CDH4: variants seen among roughly 807,000 people sequenced by gnomAD.
CDH4 encodes the protein cadherin-4.
CDH4 carries 33 observed loss-of-function variants against 86.0 expected under a neutral mutation model. That is an observed-to-expected ratio of 0.38 (90% CI 0.29 to 0.51). CDH4 has a LOEUF of 0.51. CDH4 is among the 20% of genes least tolerant of loss of function. The pLI is 0.86. For synonymous variants in CDH4, 555 were observed against 549.4 expected (o/e 1.01, Z -0.14); for missense variants, 1,114 against 1,307.4 (o/e 0.85, Z 2.28).
chr20:61,540,677 C>G (rs1160902960), intron 2 of CDH4, among the ~76,000 whole-genome samples: 1 of 152,098 alleles, frequency 6.6e-6, no homozygotes, highest in Non-Finnish European at 1.5e-5. Flanking sequence ...ATGTCACTTT[C>G]AACAGATTTT....
intron 2 of CDH4, among the ~76,000 whole-genome samples, chr20:61,507,074 T>C (rs1469677244): frequency 6.6e-6 from 1 of 152,218 alleles, no homozygotes; most frequent in Non-Finnish European, 1.5e-5. Flanking sequence ...AGTGTTTTGT[T>C]TTCCTAAATG....
At chr20:61,437,645 C>T (rs947717840) in intron 2 of CDH4, 5 of 152,158 alleles carry the variant, frequency 3.3e-5, no homozygotes, top group South Asian at 4.1e-4. Flanking sequence ...AATAAGGAAA[C>T]GAGAGGGTTT....
intron 2 of CDH4, among the ~76,000 whole-genome samples, chr20:61,321,532 T>G (rs931274711): frequency 1.4e-4 from 22 of 152,174 alleles, no homozygotes; most frequent in African/African-American, 5.3e-4. Flanking sequence ...CGGGTCAGTG[T>G]GTTTGGAAGA....
intron 4 of CDH4, among the ~76,000 whole-genome samples, chr20:61,779,994 G>T (rs1428296185): frequency 2.6e-5 from 4 of 152,228 alleles, no homozygotes; most frequent in African/African-American, 4.8e-5. Flanking sequence ...AAGCATCCAT[G>T]TGTGTACAAA....
intron 2 of CDH4, among the ~76,000 whole-genome samples, chr20:61,394,895 C>T (rs6089250): frequency 7.2e-6 from 1 of 139,594 alleles, no homozygotes; most frequent in Non-Finnish European, 1.5e-5. Flanking sequence ...AACCCTGCCC[C>T]TGTCACCCCC....
At position 61,867,561 on chromosome 20, in the gene CDH4, AAGAGAG is replaced by A. The variant is rs33910207; in HGVS notation, c.878-6158_878-6153del. Among the ~76,000 whole-genome samples the A allele has an allele frequency of 2.7e-4, 39 of 142,138 alleles. No individual in the cohort carries two copies. The South Asian group carries it at 3.7e-3, about 13-fold the overall frequency. 93.2% of individuals were successfully genotyped at this position (142,138 alleles called of 152,430 possible). ...CAAGACTCCATCCAAAAAAAAAAAA[AAGAGAG>A]AGAGAGAGCTTATGATAAAATTGAG... On this transcript the variant is annotated intron_variant, in intron 6 of 15. Coordinates refer to ENST00000614565, the MANE Select transcript of CDH4 (RefSeq NM_001794.5).
At chr20:61,934,033 C>A (rs775959140) in intron 14 of CDH4, 23 bp from the exon 15 acceptor site, 5 of 1,609,310 alleles carry the variant, frequency 3.1e-6, no homozygotes, top group African/African-American at 1.3e-5. Context: ...ATGCCCCTGA[C>A]TCCTCCCGGC....
At chr20:61,303,630 T>C (rs1179129857) in intron 2 of CDH4, among the ~76,000 whole-genome samples, 3 of 152,202 alleles carry the variant, frequency 2.0e-5, no homozygotes, top group Non-Finnish European at 2.9e-5. Context: ...CGGTGCCAGC[T>C]CTCCTGAAGT....
chr20:61,334,095 C>T (rs1057249547), intron 2 of CDH4, among the ~76,000 whole-genome samples: 2 of 152,170 alleles, frequency 1.3e-5, no homozygotes, highest in Non-Finnish European at 1.5e-5. Flanking sequence ...CCCAAGAGGG[C>T]CTGGAATTGG....
intron 2 of CDH4, among the ~76,000 whole-genome samples, chr20:61,506,872 A>G (rs1289129847): frequency 6.6e-6 from 1 of 152,168 alleles, no homozygotes; most frequent in Non-Finnish European, 1.5e-5. Context: ...AACCATGGAC[A>G]CTGTGGGTCG....
chr20:61,911,140 A>T (rs2054845674), intron 9 of CDH4, among the ~76,000 whole-genome samples: 1 of 152,184 alleles, frequency 6.6e-6, no homozygotes. Flanking sequence ...TGTCCCCTGA[A>T]TGTTTCGTCA....
chr20:61,540,164 C>T (rs117965110), intron 2 of CDH4, among the ~76,000 whole-genome samples: 37 of 152,246 alleles, frequency 2.4e-4, no homozygotes, highest in Admixed American at 9.1e-4. Context: ...CATGGACACT[C>T]GACAAACCTG....
intron 4 of CDH4, among the ~76,000 whole-genome samples, chr20:61,794,248 T>C (rs1010790581): frequency 4.6e-5 from 7 of 152,022 alleles, no homozygotes; most frequent in African/African-American, 1.7e-4. Context: ...ATGTGAGTAC[T>C]TCTTTGAGAG....
intron 8 of CDH4, among the ~76,000 whole-genome samples, chr20:61,907,719 A>T (rs888884069): frequency 2.0e-5 from 3 of 152,122 alleles, no homozygotes; most frequent in African/African-American, 7.2e-5. Flanking sequence ...CTCCCCGGGT[A>T]CCCAGCTGCA....
intron 2 of CDH4, among the ~76,000 whole-genome samples, chr20:61,742,788 A>G (rs1431590420): frequency 6.6e-6 from 1 of 152,196 alleles, no homozygotes; most frequent in Non-Finnish European, 1.5e-5. Context: ...AGAGATGGCC[A>G]TGATGCTGGA....
At chr20:61,381,130 C>T (rs2084898330) in intron 2 of CDH4, among the ~76,000 whole-genome samples, 1 of 152,166 alleles carries the variant, frequency 6.6e-6, no homozygotes, top group African/African-American at 2.4e-5. Flanking sequence ...CTCCCCTAGC[C>T]TGTATGGAGT....
At chr20:61,474,434 C>T (rs899962997) in intron 2 of CDH4, among the ~76,000 whole-genome samples, 3 of 151,560 alleles carry the variant, frequency 2.0e-5, no homozygotes, top group African/African-American at 4.8e-5. Context: ...CTCGGCCTCC[C>T]AAAGTGCTGG....
chr20:61,253,766 G>A (rs2084079912), intron 1 of CDH4, among the ~76,000 whole-genome samples: 1 of 152,154 alleles, frequency 6.6e-6, no homozygotes, highest in South Asian at 2.1e-4. Flanking sequence ...CCGGCGTCGG[G>A]AAGCCTGGAG....
intron 2 of CDH4, among the ~76,000 whole-genome samples, chr20:61,726,558 C>G (rs6121782): frequency 0.019 from 2,839 of 152,158 alleles, 81 homozygotes; most frequent in African/African-American, 0.064. Flanking sequence ...GCCAAGTAAG[C>G]AAGAACTGCC....
Sources: gnomAD v4.1 joint callset for allele counts (sites outside exome capture counted in the v4.1 genomes callset) on GRCh38, gnomAD v4.1.1 for gene constraint, MANE v1.5 for transcripts, NCBI Gene and HGNC (gene_info 2026-07-23, HGNC 2026-07-21) for gene names.